The following DACH2 variants were observed in gnomAD, a reference collection of about 807,000 sequenced individuals.
The protein encoded by DACH2 is dachshund family transcription factor 2, also known as dachshund homolog 2.
A neutral mutation model predicts 35.8 loss-of-function variants in DACH2; 17 were observed. The observed-to-expected ratio is 0.48, with a 90% confidence interval of 0.33 to 0.71. DACH2 has a LOEUF of 0.71. Among genes scored for constraint, DACH2 ranks in the 30% least tolerant of loss-of-function variants. DACH2 has a pLI of 0.02. For synonymous variants in DACH2, 195 were observed against 177.3 expected, an observed-to-expected ratio of 1.10 and a Z score of -0.79; for missense variants, 469 against 472.7, an observed-to-expected ratio of 0.99 and a Z score of 0.07.
intron 3 of DACH2, among the ~76,000 whole-genome samples, chrX:86,608,191 G>T (rs2039885066): frequency 9.0e-6 from 1 of 111,335 alleles, no homozygotes; most frequent in Non-Finnish European, 1.9e-5. Flanking sequence ...GGCCATCAGA[G>T]AAATGCAAAT....
intron 5 of DACH2, among the ~76,000 whole-genome samples, chrX:86,711,008 T>A (rs752328327): frequency 1.8e-5 from 2 of 112,225 alleles, no homozygotes; most frequent in Non-Finnish European, 3.8e-5. Context: ...GTACCTTTCA[T>A]GGCTAGAAGG....
chrX:86,428,851 C>T (rs1369980914), intron 2 of DACH2, among the ~76,000 whole-genome samples: 1 of 110,097 alleles, frequency 9.1e-6, no homozygotes, highest in African/African-American at 3.3e-5. Context: ...CATCCTTAAG[C>T]TTGTTATTTT....
At chrX:86,240,502 T>C (rs2033143542) in intron 1 of DACH2, among the ~76,000 whole-genome samples, 1 of 108,275 alleles carries the variant, frequency 9.2e-6, no homozygotes, top group African/African-American at 3.4e-5. Context: ...ATAGTCTTGC[T>C]CTGTCACCCA....
chrX:86,631,864 T>G (rs929440956), intron 3 of DACH2, among the ~76,000 whole-genome samples: 3 of 111,538 alleles, frequency 2.7e-5, no homozygotes, highest in African/African-American at 9.8e-5. Context: ...GTTTAAGGAC[T>G]GTAGATCACA....
chrX:86,686,358 GAGT>G (rs2040943335), intron 4 of DACH2, among the ~76,000 whole-genome samples: 1 of 109,731 alleles, frequency 9.1e-6, no homozygotes, highest in Admixed American at 9.8e-5. Context: ...TCAGCCTCCC[GAGT>G]AGCTGGGGCT....
At chrX:86,222,460 G>A (rs146845691) in intron 1 of DACH2, among the ~76,000 whole-genome samples, 3,651 of 111,762 alleles carry the variant, frequency 0.033, 146 homozygotes, top group African/African-American at 0.11. Flanking sequence ...ACAAGGCAGG[G>A]CTCAAGGTAG....
At chrX:86,514,118 A>G (rs1197215555) in intron 2 of DACH2, 161 bp from the exon 3 acceptor site, 23 of 482,888 alleles carry the variant, frequency 4.8e-5, no homozygotes, top group African/African-American at 9.7e-5. Flanking sequence ...AGCGGAAAGT[A>G]AAGAATTGGT....
chrX:86,194,658 T>G (rs1004243303), intron 1 of DACH2, among the ~76,000 whole-genome samples: 2 of 112,464 alleles, frequency 1.8e-5, no homozygotes, highest in Non-Finnish European at 3.8e-5. Context: ...TTGACCACCA[T>G]GGACACTTGA....
intron 1 of DACH2, among the ~76,000 whole-genome samples, chrX:86,286,293 AATTTTTTGT>A (rs1390361749): frequency 1.9e-5 from 2 of 107,609 alleles, no homozygotes; most frequent in Non-Finnish European, 3.8e-5. Context: ...GCGCCCGGCT[AATTTTTTGT>A]ATTTTTTTTA....
intron 3 of DACH2, among the ~76,000 whole-genome samples, chrX:86,606,714 G>A (rs1284431818): frequency 9.0e-6 from 1 of 111,315 alleles, no homozygotes; most frequent in African/African-American, 3.3e-5. Context: ...AGATCTATTT[G>A]TTCTATAGTG....
intron 4 of DACH2, among the ~76,000 whole-genome samples, chrX:86,671,924 T>C (rs775242872): frequency 3.8e-4 from 42 of 111,542 alleles, no homozygotes; most frequent in Non-Finnish European, 5.6e-5. Flanking sequence ...TTGACCAAAA[T>C]GCTGATTGTA....
intron 7 of DACH2, among the ~76,000 whole-genome samples, chrX:86,791,954 G>C (rs2042190904): frequency 8.9e-6 from 1 of 111,760 alleles, no homozygotes. Context: ...AATAACATTT[G>C]AAGAACGTAT....
chrX:86,639,514 T>A (rs1384488194), intron 3 of DACH2, among the ~76,000 whole-genome samples: 1 of 111,322 alleles, frequency 9.0e-6, no homozygotes, highest in Admixed American at 9.5e-5. Flanking sequence ...GAGGTTAGAC[T>A]ATGGTACATA....
intron 3 of DACH2, among the ~76,000 whole-genome samples, chrX:86,543,223 G>GC (rs1406599562): frequency 9.0e-6 from 1 of 111,474 alleles, no homozygotes; most frequent in Non-Finnish European, 1.9e-5. Context: ...ACTTGTTCCT[G>GC]CCCCCCACTG....
intron 1 of DACH2, among the ~76,000 whole-genome samples, chrX:86,279,912 G>T (rs1387079901): frequency 9.3e-6 from 1 of 107,830 alleles, no homozygotes; most frequent in Non-Finnish European, 1.9e-5. Context: ...CAGAAGAAAG[G>T]ATATCAGAGA....
intron 3 of DACH2, among the ~76,000 whole-genome samples, chrX:86,639,954 G>A (rs2148397046): frequency 9.0e-6 from 1 of 111,333 alleles, no homozygotes; most frequent in East Asian, 2.9e-4. Context: ...AACAGCAACA[G>A]GTTTGTACCT....
intron 2 of DACH2, among the ~76,000 whole-genome samples, chrX:86,499,384 A>T (rs1437931728): frequency 9.0e-6 from 1 of 111,615 alleles, no homozygotes; most frequent in Admixed American, 9.6e-5. Context: ...AGACAGGAAA[A>T]ACTGATCAGT....
intron 7 of DACH2, among the ~76,000 whole-genome samples, chrX:86,746,786 T>G (rs909009222): frequency 9.0e-6 from 1 of 111,176 alleles, no homozygotes; most frequent in East Asian, 2.8e-4. Context: ...AAAGATCAAT[T>G]TATCTATTTT....
intron 3 of DACH2, among the ~76,000 whole-genome samples, chrX:86,631,126 A>G (rs776989241): frequency 8.9e-6 from 1 of 112,098 alleles, no homozygotes; most frequent in Non-Finnish European, 1.9e-5. Context: ...GAATTGAACT[A>G]AATTTTAATC....
Sources: allele counts gnomAD v4.1 joint callset (sites outside exome capture counted in the v4.1 genomes callset), GRCh38; gene constraint gnomAD v4.1.1; transcripts MANE v1.5; gene names NCBI Gene and HGNC (gene_info 2026-07-23, HGNC 2026-07-21).